Variants in HCRTR2 observed in about 807,000 individuals in gnomAD.
The protein encoded by HCRTR2 is orexin receptor type 2.
In HCRTR2, 22 loss-of-function variants were observed where a neutral mutation model predicts 49.0. The observed-to-expected ratio is 0.45, with a 90% CI of 0.32 to 0.64. HCRTR2 has a LOEUF of 0.64. HCRTR2 is among the 30% of genes least tolerant of loss of function. The probability of loss-of-function intolerance (pLI) is 0.04; values close to 1 mark genes in which losing one functional copy is unlikely to be tolerated. For missense variants in HCRTR2, 491 were observed against 559.4 expected (o/e 0.88, Z 1.23); for synonymous variants, 236 against 205.3 (o/e 1.15, Z -1.28).
intron 1 of HCRTR2, among the ~76,000 whole-genome samples, chr6:55,180,157 A>G (rs895968545): frequency 1.3e-5 from 2 of 152,248 alleles, no homozygotes; most frequent in African/African-American, 2.4e-5. Flanking sequence ...CAACAAACTT[A>G]TAATGAGAAG....
At position 55,192,413 on chromosome 6, in the gene HCRTR2, GCACACACACACACA is replaced by G. The variant is rs1554171107; in HGVS notation, c.223+17616_223+17629del. On this transcript the variant is annotated intron_variant, in intron 1 of 6. Transcript: ENST00000370862. ...TAAACACACACACACGCGCGCGCGC[GCACACACACACACA>G]CACACACACACAAATTAGCTGGGAA... is the stretch of plus-strand genomic sequence containing the variant. Among the ~76,000 whole-genome samples the G allele has an allele frequency of 9.3e-4, 119 of 128,524 alleles. 1 individual carries two copies. In the South Asian group the frequency reaches 0.027, roughly 29 times the overall value. The allele number at this position is 128,524 out of a possible 152,430, so 84.3% of individuals were successfully genotyped here.
At chr6:55,224,159 A>T (rs1765951984) in intron 1 of HCRTR2, among the ~76,000 whole-genome samples, 1 of 152,230 alleles carries the variant, frequency 6.6e-6, no homozygotes, top group East Asian at 1.9e-4. Context: ...TTTTATAAAC[A>T]TTAGAAATTA....
chr6:55,173,063 T>C (rs144139617), upstream of HCRTR2, among the ~76,000 whole-genome samples: 155 of 152,126 alleles, frequency 1.0e-3, no homozygotes, highest in Middle Eastern at 3.4e-3. Flanking sequence ...TTGAACAACA[T>C]TGAAAAGAAA....
chr6:55,246,363 G>A (rs1766443558), intron 1 of HCRTR2, among the ~76,000 whole-genome samples: 1 of 151,942 alleles, frequency 6.6e-6, no homozygotes, highest in Non-Finnish European at 1.5e-5. Flanking sequence ...AGGGAAAACA[G>A]AACATGAACA....
intron 1 of HCRTR2, among the ~76,000 whole-genome samples, chr6:55,212,480 A>G (rs1274940180): frequency 6.6e-6 from 1 of 152,172 alleles, no homozygotes; most frequent in African/African-American, 2.4e-5. Context: ...CAATAACGTG[A>G]ATTCTGTTTT....
intron 4 of HCRTR2, among the ~76,000 whole-genome samples, chr6:55,266,234 A>G (rs770635365): frequency 1.7e-4 from 26 of 152,302 alleles, no homozygotes; most frequent in Non-Finnish European, 3.1e-4. Flanking sequence ...TTTTTAAAAA[A>G]TGCACATTGA....
chr6:55,117,344 T>A, intron 1 of HCRTR2, among the ~76,000 whole-genome samples: 1 of 151,756 alleles, frequency 6.6e-6, no homozygotes, highest in South Asian at 2.1e-4. Context: ...AGAGGTTGAA[T>A]CAAACAGATC....
At chr6:55,128,908 A>C (rs1315711384) in intron 1 of HCRTR2, among the ~76,000 whole-genome samples, 1 of 152,096 alleles carries the variant, frequency 6.6e-6, no homozygotes, top group Non-Finnish European at 1.5e-5. Flanking sequence ...TCAGGAATAG[A>C]TGTTAAGTAT....
intron 1 of HCRTR2, among the ~76,000 whole-genome samples, chr6:55,181,591 T>C (rs1765135141): frequency 6.6e-6 from 1 of 152,194 alleles, no homozygotes; most frequent in Non-Finnish European, 1.5e-5. Context: ...CCATATTCTC[T>C]CTCAGTTATT....
chr6:55,274,818 T>G (rs1294621599), intron 4 of HCRTR2, among the ~76,000 whole-genome samples: 1 of 152,216 alleles, frequency 6.6e-6, no homozygotes, highest in Non-Finnish European at 1.5e-5. Flanking sequence ...TGTTGCCATA[T>G]CTTTGATTAC....
At chr6:55,117,488 A>G (rs537923362) in intron 1 of HCRTR2, among the ~76,000 whole-genome samples, 112 of 151,842 alleles carry the variant, frequency 7.4e-4, no homozygotes, top group Non-Finnish European at 1.1e-3. Flanking sequence ...TGCATTGTGC[A>G]TACAATGCAT....
chr6:55,193,982 T>A lies in HCRTR2; in HGVS notation c.223+19172T>A, dbSNP rs568093389. Among the ~76,000 whole-genome samples, 5 of 150,904 alleles carry A rather than the reference T, an allele frequency of 3.3e-5. No individual in the cohort carries two copies. The East Asian group carries it at 7.7e-4, about 23-fold the overall frequency. On this transcript the variant is annotated intron_variant, in intron 1 of 6. Coordinates refer to ENST00000370862, the MANE Select transcript of HCRTR2 (RefSeq NM_001384272.1). Reference sequence around the variant, plus strand: ...CTGTCTCTTTAACACTGAATAAAGATTTTTTTTTCTCTAACAGACTTAAAA... The same window carrying A: ...CTGTCTCTTTAACACTGAATAAAGAATTTTTTTTCTCTAACAGACTTAAAA...
At position 55,150,895 on chromosome 6, in the gene HCRTR2, A is replaced by G. The variant is rs574124276; in HGVS notation, c.-377-23316A>G. Among the ~76,000 whole-genome samples, 4 of 152,160 alleles carry G rather than the reference A, an allele frequency of 2.6e-5. No homozygotes were observed. The South Asian group carries it at 8.3e-4, about 32-fold the overall frequency. On this transcript the variant is annotated intron_variant, in intron 1 of 7. Transcript: ENST00000615358. The stretch of plus-strand genomic sequence containing the variant: ...GCAGGTTTGTTTCTAGACAACTACA[A>G]TAAAGTGAATATCACAATAAAGTGA...
At chr6:55,280,256 A>G in intron 5 of HCRTR2, 67 bp from the exon 6 acceptor site, 1 of 1,070,684 alleles carries the variant, frequency 9.3e-7, no homozygotes, top group Non-Finnish European at 1.4e-6. Context: ...ATCCTCTACC[A>G]ATAGCCTTGT....
chr6:55,168,990 T>C (rs1445148307), intron 1 of HCRTR2, among the ~76,000 whole-genome samples: 1 of 151,948 alleles, frequency 6.6e-6, no homozygotes, highest in Non-Finnish European at 1.5e-5. Context: ...CCATTCATTC[T>C]TCAGTTCTCA....
At chr6:55,133,582 A>C (rs1764388512) in intron 1 of HCRTR2, among the ~76,000 whole-genome samples, 1 of 151,868 alleles carries the variant, frequency 6.6e-6, no homozygotes, top group Non-Finnish European at 1.5e-5. Context: ...CAGTATGGAT[A>C]TCTGTTGGCA....
chr6:55,254,842 T>C (rs1766619861), intron 2 of HCRTR2, among the ~76,000 whole-genome samples: 1 of 151,974 alleles, frequency 6.6e-6, no homozygotes, highest in African/African-American at 2.4e-5. Context: ...ACAGTAATTA[T>C]TTAAAGAATG....
At chr6:55,155,577 C>T (rs149143867) in intron 1 of HCRTR2, among the ~76,000 whole-genome samples, 2 of 152,006 alleles carry the variant, frequency 1.3e-5, no homozygotes, top group Non-Finnish European at 2.9e-5. Context: ...TATGAATGTG[C>T]GGTGTTTTAT....
At chr6:55,180,288 G>T (rs974394769) in intron 1 of HCRTR2, among the ~76,000 whole-genome samples, 1 of 152,178 alleles carries the variant, frequency 6.6e-6, no homozygotes, top group Non-Finnish European at 1.5e-5. Context: ...AAATTCCATG[G>T]TCCATGCTTA....
Sources: gnomAD v4.1 joint callset for allele counts (sites outside exome capture counted in the v4.1 genomes callset) on GRCh38, gnomAD v4.1.1 for gene constraint, MANE v1.5 for transcripts, NCBI Gene and HGNC (gene_info 2026-07-23, HGNC 2026-07-21) for gene names.